The following RASSF3 variants were observed in gnomAD, a reference collection of about 807,000 sequenced individuals.
RASSF3 encodes Ras association domain family member 3, also known as ras association domain-containing protein 3.
A neutral mutation model predicts 19.9 loss-of-function variants in RASSF3; 19 were observed. The observed-to-expected ratio is 0.96, with a 90% confidence interval of 0.67 to 1.40. The LOEUF (loss-of-function observed/expected upper bound fraction) is 1.40. RASSF3 is among the 40% of genes most tolerant of loss of function. The pLI, the probability that RASSF3 is intolerant of heterozygous loss-of-function variation, is 0.00. For missense variants in RASSF3, 306 were observed against 289.8 expected (o/e 1.06, Z -0.41); for synonymous variants, 110 against 104.2 (o/e 1.06, Z -0.34).
At chr12:64,595,398 T>A (rs1359444204) in intron 2 of RASSF3, among the ~76,000 whole-genome samples, 8 of 152,070 alleles carry the variant, frequency 5.3e-5, no homozygotes, top group Non-Finnish European at 1.5e-5. Context: ...AAACAACTCT[T>A]ATACACCACA....
intron 1 of RASSF3, among the ~76,000 whole-genome samples, chr12:64,520,555 CATATAT>C (rs66975333): frequency 0.01 from 897 of 86,356 alleles, 9 homozygotes; most frequent in East Asian, 0.029. Context: ...CACATACACA[CATATAT>C]ATATATATAT....
At chr12:64,676,234 G>A (rs529698524) in intron 1 of RASSF3, among the ~76,000 whole-genome samples, 1 of 140,932 alleles carries the variant, frequency 7.1e-6, no homozygotes, top group Non-Finnish European at 1.5e-5. Flanking sequence ...GTGCAGTGGT[G>A]TAACCTCCAC....
intron 2 of RASSF3, among the ~76,000 whole-genome samples, chr12:64,591,907 T>G (rs74334315): frequency 7.9e-6 from 1 of 126,324 alleles, no homozygotes; most frequent in South Asian, 2.2e-4. Context: ...TCGGTTGCTG[T>G]TTTTTTTTTT....
intron 2 of RASSF3, among the ~76,000 whole-genome samples, chr12:64,580,995 T>C (rs1012277782): frequency 4.0e-5 from 6 of 151,480 alleles, no homozygotes; most frequent in African/African-American, 1.5e-4. Flanking sequence ...ACCTGTAACA[T>C]ATATATATAT....
At chr12:64,663,000 A>G (rs941225294) in intron 1 of RASSF3, among the ~76,000 whole-genome samples, 1 of 152,224 alleles carries the variant, frequency 6.6e-6, no homozygotes, top group Non-Finnish European at 1.5e-5. Flanking sequence ...ATTAACATAT[A>G]TAATGTACTG....
chr12:64,562,685 A>T (rs1024028218), intron 2 of RASSF3, among the ~76,000 whole-genome samples: 5 of 151,948 alleles, frequency 3.3e-5, no homozygotes, highest in Non-Finnish European at 7.4e-5. Flanking sequence ...CAATGGCTTG[A>T]TCACGGCTCA....
At chr12:64,688,882 G>A (rs559261170) in intron 3 of RASSF3, among the ~76,000 whole-genome samples, 4 of 152,274 alleles carry the variant, frequency 2.6e-5, no homozygotes, top group African/African-American at 7.2e-5. Flanking sequence ...GAGATCTTGC[G>A]ACTGGGGAGG....
At chr12:64,603,693 C>G (rs1870135088) in intron 2 of RASSF3, among the ~76,000 whole-genome samples, 1 of 152,190 alleles carries the variant, frequency 6.6e-6, no homozygotes, top group Non-Finnish European at 1.5e-5. Flanking sequence ...TTTTGCATGT[C>G]TTAGTTTACT....
intron 2 of RASSF3, among the ~76,000 whole-genome samples, chr12:64,561,086 G>T (rs992268459): frequency 6.6e-6 from 1 of 152,202 alleles, no homozygotes; most frequent in Non-Finnish European, 1.5e-5. Flanking sequence ...TAGAAAGGGC[G>T]TTCTGTAAAT....
intron 2 of RASSF3, among the ~76,000 whole-genome samples, chr12:64,564,427 G>A (rs1474678199): frequency 6.6e-6 from 1 of 151,444 alleles, no homozygotes; most frequent in Non-Finnish European, 1.5e-5. Flanking sequence ...TTGTTGTCCA[G>A]GCTGGAGTGC....
intron 2 of RASSF3, among the ~76,000 whole-genome samples, chr12:64,596,751 C>T (rs535843962): frequency 2.0e-5 from 3 of 152,006 alleles, no homozygotes; most frequent in African/African-American, 2.4e-5. Context: ...TTTTTTGAGA[C>T]GGAGTTTTGC....
At chr12:64,647,607 T>C (rs1486169487) in intron 1 of RASSF3, among the ~76,000 whole-genome samples, 1 of 151,984 alleles carries the variant, frequency 6.6e-6, no homozygotes, top group Admixed American at 6.6e-5. Flanking sequence ...GAGACGGGGT[T>C]TCACCATGTT....
chr12:64,661,838 G>A (rs766284651), intron 1 of RASSF3, among the ~76,000 whole-genome samples: 23 of 151,280 alleles, frequency 1.5e-4, no homozygotes, highest in Non-Finnish European at 2.8e-4. Context: ...CCACCACCAC[G>A]CCTGGCTAAT....
At chr12:64,569,080 G>C (rs1335252239) in intron 2 of RASSF3, among the ~76,000 whole-genome samples, 2 of 152,212 alleles carry the variant, frequency 1.3e-5, no homozygotes, top group African/African-American at 2.4e-5. Flanking sequence ...AAAGTAGTAT[G>C]AGAAAATTTG....
chr12:64,656,138 G>T (rs1331955941), intron 1 of RASSF3, among the ~76,000 whole-genome samples: 3 of 151,942 alleles, frequency 2.0e-5, no homozygotes, highest in Non-Finnish European at 4.4e-5. Context: ...TTACTAGAAA[G>T]AATTATTTTT....
chr12:64,688,846 G>C (rs940667617), intron 3 of RASSF3, among the ~76,000 whole-genome samples: 6 of 152,182 alleles, frequency 3.9e-5, no homozygotes, highest in African/African-American at 1.4e-4. Flanking sequence ...GCATCAGTAC[G>C]TGGAGTGGTT....
intron 3 of RASSF3, among the ~76,000 whole-genome samples, chr12:64,689,026 A>G (rs1415095561): frequency 6.6e-6 from 1 of 152,228 alleles, no homozygotes; most frequent in Non-Finnish European, 1.5e-5. Flanking sequence ...GGCTCATCAA[A>G]TGAGTGAATA....
intron 1 of RASSF3, among the ~76,000 whole-genome samples, chr12:64,536,866 C>T (rs147891860): frequency 6.6e-6 from 1 of 152,158 alleles, no homozygotes; most frequent in Non-Finnish European, 1.5e-5. Context: ...AGATCCAGTC[C>T]TATTACTCCA....
intron 1 of RASSF3, among the ~76,000 whole-genome samples, chr12:64,675,384 A>G (rs1872860357): frequency 6.6e-6 from 1 of 152,070 alleles, no homozygotes; most frequent in East Asian, 1.9e-4. Flanking sequence ...TCCTGGGCTC[A>G]AGTGATCCTC....
Sources: gnomAD v4.1 joint callset for allele counts (sites outside exome capture counted in the v4.1 genomes callset) on GRCh38, gnomAD v4.1.1 for gene constraint, MANE v1.5 for transcripts, NCBI Gene and HGNC (gene_info 2026-07-23, HGNC 2026-07-21) for gene names.